LDLRAD4: variants seen among roughly 807,000 people sequenced by gnomAD.
The protein encoded by LDLRAD4 is low-density lipoprotein receptor class A domain-containing protein 4.
LDLRAD4 carries 5 observed loss-of-function variants against 17.0 expected under a neutral mutation model. The ratio of observed to expected loss-of-function variants is 0.29; its 90% CI spans 0.15 to 0.62. LDLRAD4 has a LOEUF of 0.62. LDLRAD4 is among the 20% of genes least tolerant of loss of function. LDLRAD4 has a pLI of 0.84. For synonymous variants in LDLRAD4, 168 were observed against 171.8 expected (o/e 0.98, Z 0.17); for missense variants, 340 against 424.7 (o/e 0.80, Z 1.75).
intron 1 of LDLRAD4, among the ~76,000 whole-genome samples, chr18:13,290,350 C>T (rs2045894918): frequency 6.6e-6 from 1 of 152,200 alleles, no homozygotes; most frequent in African/African-American, 2.4e-5. Flanking sequence ...TAGCAGCCTC[C>T]TGTCCATTAA....
intron 1 of LDLRAD4, among the ~76,000 whole-genome samples, chr18:13,358,452 A>G (rs2083469851): frequency 6.7e-6 from 1 of 150,194 alleles, no homozygotes; most frequent in Non-Finnish European, 1.5e-5. Flanking sequence ...TATTACATTT[A>G]TCTCCTTCCA....
intron 1 of LDLRAD4, among the ~76,000 whole-genome samples, chr18:13,380,514 G>A (rs1190778257): frequency 2.6e-5 from 4 of 152,146 alleles, no homozygotes; most frequent in Non-Finnish European, 5.9e-5. Context: ...CACAGGGGTC[G>A]GATATATGAC....
chr18:13,610,647 GC>G (rs2039460405), intron 3 of LDLRAD4, among the ~76,000 whole-genome samples: 1 of 152,152 alleles, frequency 6.6e-6, no homozygotes, highest in African/African-American at 2.4e-5. Flanking sequence ...CCTCACTAAG[GC>G]CCTGGCTTGA....
At position 13,523,991 on chromosome 18, in the gene LDLRAD4, A is replaced by G. The variant is rs143796202; in HGVS notation, c.181+85607A>G. Among the ~76,000 whole-genome samples, 740 of 152,326 alleles carry G rather than the reference A, an allele frequency of 4.9e-3. 8 individuals carry two copies. Among genetic ancestry groups the G allele is most frequent in the African/African-American group, 0.017 (707 of 41,560 alleles). On this transcript the variant is annotated intron_variant, in intron 3 of 5. Coordinates refer to ENST00000359446, the Ensembl canonical transcript of LDLRAD4. ...AACCTCTCTCTGCCTTGGCCTGGACACAGGAGGGGGACCATTCACTCTGTC... is the reference window on the plus strand; with the variant it reads ...AACCTCTCTCTGCCTTGGCCTGGACGCAGGAGGGGGACCATTCACTCTGTC...
At chr18:13,323,833 C>T (rs1488347718) in intron 1 of LDLRAD4, among the ~76,000 whole-genome samples, 2 of 152,068 alleles carry the variant, frequency 1.3e-5, no homozygotes, top group Non-Finnish European at 2.9e-5. Context: ...TTCAAAAAGT[C>T]ATCAGAGTTA....
intron 3 of LDLRAD4, among the ~76,000 whole-genome samples, chr18:13,480,479 G>A (rs1220158062): frequency 6.6e-6 from 1 of 152,186 alleles, no homozygotes; most frequent in Non-Finnish European, 1.5e-5. Flanking sequence ...TGGTACTGTA[G>A]CAGTAGATCC....
intron 1 of LDLRAD4, among the ~76,000 whole-genome samples, chr18:13,384,912 A>T (rs2085676927): frequency 6.6e-6 from 1 of 152,206 alleles, no homozygotes; most frequent in Non-Finnish European, 1.5e-5. Flanking sequence ...TTGCTTCCGT[A>T]TCTTGGTTAT....
chr18:13,400,544 T>G lies in LDLRAD4; in HGVS notation c.40+12782T>G, dbSNP rs535577884. On this transcript the variant is annotated intron_variant, in intron 2 of 5. Coordinates refer to ENST00000359446, the Ensembl canonical transcript of LDLRAD4. ...CCGTGCACACATGAGCAGCCCTGAC[T>G]CTTAGAAACGTGGTGATGGGGAGGA... Among the ~76,000 whole-genome samples, 221 of 152,258 alleles carry G rather than the reference T, an allele frequency of 1.5e-3. 4 individuals carry two copies. The highest frequency in any genetic ancestry group is 2.5e-3 in the East Asian group (13 of 5,172).
chr18:13,338,801 G>A (rs887896799), intron 1 of LDLRAD4, among the ~76,000 whole-genome samples: 10 of 152,122 alleles, frequency 6.6e-5, no homozygotes, highest in African/African-American at 1.9e-4. Flanking sequence ...GGGTAGATTT[G>A]TGAGAGACTC....
At chr18:13,444,461 ACTT>A (rs2091250610) in intron 3 of LDLRAD4, among the ~76,000 whole-genome samples, 1 of 152,204 alleles carries the variant, frequency 6.6e-6, no homozygotes, top group Non-Finnish European at 1.5e-5. Context: ...GTGTTAATCG[ACTT>A]CTTATGTTAT....
At chr18:13,238,144 A>G (rs558413298) in intron 1 of LDLRAD4, among the ~76,000 whole-genome samples, 5 of 152,320 alleles carry the variant, frequency 3.3e-5, no homozygotes, top group African/African-American at 1.2e-4. Context: ...AGGTGCCAGA[A>G]TATCTGCCTT....
At chr18:13,644,194 C>G in intron 5 of LDLRAD4, among the ~76,000 whole-genome samples, 1 of 152,044 alleles carries the variant, frequency 6.6e-6, no homozygotes, top group South Asian at 2.1e-4. Context: ...TGGCAATGAT[C>G]TTCTCTAAGT....
intron 2 of LDLRAD4, among the ~76,000 whole-genome samples, chr18:13,434,020 G>A (rs898502386): frequency 3.3e-5 from 5 of 152,138 alleles, no homozygotes; most frequent in Admixed American, 1.3e-4. Context: ...TCCCTGGCCT[G>A]CTTCCTCACC....
intron 3 of LDLRAD4, among the ~76,000 whole-genome samples, chr18:13,499,282 TTTCGTG>T (rs2093564708): frequency 7.4e-6 from 1 of 136,048 alleles, no homozygotes. Context: ...ACACACGTCC[TTTCGTG>T]GACACTGGAG....
intron 1 of LDLRAD4, among the ~76,000 whole-genome samples, chr18:13,280,837 C>T (rs138048446): frequency 1.3e-5 from 2 of 152,296 alleles, no homozygotes; most frequent in African/African-American, 4.8e-5. Context: ...CAGTGTGAGA[C>T]CAGTGGTCCC....
chr18:13,545,780 A>G (rs575036585), intron 3 of LDLRAD4, among the ~76,000 whole-genome samples: 1 of 152,318 alleles, frequency 6.6e-6, no homozygotes, highest in South Asian at 2.1e-4. Context: ...CACAGGTCAC[A>G]GTGGGGTGGA....
rs76340873 is a variant in LDLRAD4 at position 13,228,387 on chromosome 18, G to T, written c.-467+9399G>T. The stretch of plus-strand genomic sequence containing the variant: ...CTTGCCATTGACCCAGAGGGCTTTG[G>T]GTGCCTGACAAATCCACCTTGTGTT... On this transcript the variant is annotated intron_variant, in intron 1 of 5. Coordinates refer to the LDLRAD4 transcript ENST00000399848. Among the ~76,000 whole-genome samples, 10 of 152,196 alleles carry T rather than the reference G, an allele frequency of 6.6e-5. No individual in the cohort carries two copies. In the East Asian group the frequency reaches 1.9e-3, roughly 29 times the overall value.
At chr18:13,351,563 G>A (rs1362297382) in intron 1 of LDLRAD4, among the ~76,000 whole-genome samples, 2 of 152,034 alleles carry the variant, frequency 1.3e-5, no homozygotes, top group East Asian at 3.9e-4. Context: ...ATAGAATCAT[G>A]TTGTCTTCGG....
intron 1 of LDLRAD4, among the ~76,000 whole-genome samples, chr18:13,346,795 C>T (rs1375914493): frequency 6.6e-6 from 1 of 152,158 alleles, no homozygotes; most frequent in Non-Finnish European, 1.5e-5. Flanking sequence ...GGATAGTTAG[C>T]TCTTCTTGTT....
Sources: allele counts gnomAD v4.1 joint callset (sites outside exome capture counted in the v4.1 genomes callset), GRCh38; gene constraint gnomAD v4.1.1; transcripts MANE v1.5; gene names NCBI Gene and HGNC (gene_info 2026-07-23, HGNC 2026-07-21).